The following SP100 variants were observed in gnomAD, a reference collection of about 807,000 sequenced individuals.
SP100 encodes nuclear autoantigen Sp-100.
SP100 carries 84 observed loss-of-function variants against 130.0 expected under a neutral mutation model. The ratio of observed to expected loss-of-function variants is 0.65; its 90% CI spans 0.54 to 0.77. The LOEUF is 0.77. SP100 is among the 30% of genes least tolerant of loss of function. The pLI, the probability that SP100 is intolerant of heterozygous loss-of-function variation, is 0.00. For synonymous variants in SP100, 331 were observed against 351.7 expected, an observed-to-expected ratio of 0.94 and a Z score of 0.66; for missense variants, 978 against 1,052.2, an observed-to-expected ratio of 0.93 and a Z score of 0.97.
intron 8 of SP100, among the ~76,000 whole-genome samples, chr2:230,460,114 A>G (rs1285883353): frequency 6.6e-6 from 1 of 152,220 alleles, no homozygotes; most frequent in Non-Finnish European, 1.5e-5. Flanking sequence ...GTGAAAATAT[A>G]CATACCCTAT....
intron 8 of SP100, among the ~76,000 whole-genome samples, chr2:230,459,555 T>G (rs1234413912): frequency 6.6e-6 from 1 of 152,236 alleles, no homozygotes; most frequent in Admixed American, 6.5e-5. Context: ...TTTAAAGACC[T>G]GAAGAACATC....
At chr2:230,503,284 C>G (rs920287195) in intron 20 of SP100, among the ~76,000 whole-genome samples, 174 bp downstream of exon 20, 1 of 152,150 alleles carries the variant, frequency 6.6e-6, no homozygotes, top group Non-Finnish European at 1.5e-5. Flanking sequence ...GGAATCAGAT[C>G]CCCAGTGTCC....
At chr2:230,531,645 G>A (rs1461093698) in intron 24 of SP100, among the ~76,000 whole-genome samples, 1 of 152,116 alleles carries the variant, frequency 6.6e-6, no homozygotes, top group African/African-American at 2.4e-5. Context: ...GCCAGATGTA[G>A]TGTGGAGCCA....
At chr2:230,523,197 C>T (rs1164641413) in intron 24 of SP100, among the ~76,000 whole-genome samples, 1 of 152,234 alleles carries the variant, frequency 6.6e-6, no homozygotes, top group Non-Finnish European at 1.5e-5. Flanking sequence ...CATATCCGGG[C>T]AAAGTGTAGC....
intron 2 of SP100, among the ~76,000 whole-genome samples, chr2:230,418,821 C>T (rs879359033): frequency 6.6e-6 from 1 of 152,068 alleles, no homozygotes; most frequent in Non-Finnish European, 1.5e-5. Flanking sequence ...GACAGCCCCT[C>T]CTTATGCCAG....
chr2:230,422,187 T>C (rs1004684662), intron 2 of SP100, among the ~76,000 whole-genome samples: 24 of 152,334 alleles, frequency 1.6e-4, no homozygotes, highest in Middle Eastern at 6.8e-3. Context: ...GCATCTTGTT[T>C]CAAGAAATCC....
intron 8 of SP100, among the ~76,000 whole-genome samples, chr2:230,454,862 C>G (rs1036758182): frequency 6.6e-6 from 1 of 152,094 alleles, no homozygotes; most frequent in Non-Finnish European, 1.5e-5. Flanking sequence ...GACAATCTGT[C>G]CACTGCTGAA....
At chr2:230,417,748 C>A in intron 2 of SP100, 83 bp downstream of exon 2, 1 of 1,529,500 alleles carries the variant, frequency 6.5e-7, no homozygotes. Context: ...TGTTTCTTGG[C>A]CATTTAAATT....
At chr2:230,422,244 A>G (rs2062788601) in intron 2 of SP100, among the ~76,000 whole-genome samples, 2 of 152,084 alleles carry the variant, frequency 1.3e-5, no homozygotes, top group Non-Finnish European at 1.5e-5. Flanking sequence ...TTTAAATTTT[A>G]CGTTTCTTCC....
At chr2:230,500,451 G>A (rs777373262) in intron 19 of SP100, among the ~76,000 whole-genome samples, 1 of 152,170 alleles carries the variant, frequency 6.6e-6, no homozygotes, top group Non-Finnish European at 1.5e-5. Context: ...GCCCTCAATA[G>A]GTTTTGATTG....
At chr2:230,475,916 A>G (rs770237604) in intron 17 of SP100, among the ~76,000 whole-genome samples, 1 of 152,282 alleles carries the variant, frequency 6.6e-6, no homozygotes, top group Non-Finnish European at 1.5e-5. Flanking sequence ...TTGTACCAGT[A>G]CCATGCCATT....
Position 230,442,923 on chromosome 2 carries a change from T to C in SP100, c.108-14T>C. The C allele has an allele frequency of 6.2e-7, 1 of 1,609,376 alleles. No individual in the cohort carries two copies. The highest frequency in any genetic ancestry group is 8.5e-7 in the Non-Finnish European group (1 of 1,178,098). On this transcript the variant is annotated splice_polypyrimidine_tract_variant and intron_variant, in intron 2 of 28. Coordinates refer to ENST00000340126, the MANE Select transcript of SP100 (RefSeq NM_001080391.2). ...TCTTGATGACCATTTTCACATGGTG[T>C]CCTTTTTCCCTAGGATGTTCACGGA... is the stretch of plus-strand genomic sequence containing the variant.
chr2:230,519,454 A>T (rs1457553310), intron 24 of SP100, among the ~76,000 whole-genome samples: 1 of 152,172 alleles, frequency 6.6e-6, no homozygotes, highest in Non-Finnish European at 1.5e-5. Flanking sequence ...TCTGTTCCAA[A>T]CGTAAATACG....
In SP100 at chr2:230,450,179, C is replaced by G. The variant is rs186304088; in HGVS notation, c.744C>G (p.Cys248Trp). Reference sequence around the variant, plus strand: ...GATCTCGTTTATCTCCAGAGTCCTGCGAACAAATTGCTGTCCAAGTGAATA... The same window carrying G: ...GATCTCGTTTATCTCCAGAGTCCTGGGAACAAATTGCTGTCCAAGTGAATA... ...CAQKAEPTES[C>W]EQIAVQVNNG... Residue 248 changes from cysteine (C) to tryptophan (W), a missense_variant, in exon 8 of 29, where the codon TGC becomes TGG. By Grantham distance (215) the Cys-to-Trp change is radical (BLOSUM62 -2). Coordinates refer to ENST00000340126, the MANE Select transcript of SP100 (RefSeq NM_001080391.2). 1.7e-5 allele frequency: 27 copies of G among 1,612,498 alleles called. No homozygotes were observed. The African/African-American group carries it at 2.8e-4, about 17-fold the overall frequency.
intron 24 of SP100, among the ~76,000 whole-genome samples, chr2:230,533,301 A>G (rs1234815091): frequency 6.6e-6 from 1 of 152,180 alleles, no homozygotes; most frequent in Non-Finnish European, 1.5e-5. Context: ...CATTTTTTAC[A>G]CTTTTAGTCA....
chr2:230,449,282 T>TG, intron 6 of SP100, 132 bp downstream of exon 6: 1 of 984,830 alleles, frequency 1.0e-6, no homozygotes, highest in Non-Finnish European at 1.6e-6. Context: ...TTTCCATTTC[T>TG]GGGATTTAAA....
rs530138314 is a variant in SP100, at chr2:230,503,516, A to G, written c.1765+406A>G. Among the ~76,000 whole-genome samples the G allele has an allele frequency of 4.6e-5, 7 of 152,306 alleles. No homozygotes were observed. In the East Asian group the frequency reaches 1.4e-3, roughly 29 times the overall value. On this transcript the variant is annotated intron_variant, in intron 20 of 28. Transcript: ENST00000340126. Reference sequence around the variant, plus strand: ...TTCTCTTTTAGCTATTTTGAGATGTATAATCAATTCATGTTAACTATAATC... The same window carrying G: ...TTCTCTTTTAGCTATTTTGAGATGTGTAATCAATTCATGTTAACTATAATC...
At chr2:230,432,706 T>C (rs778759090) in intron 2 of SP100, among the ~76,000 whole-genome samples, 9 of 152,180 alleles carry the variant, frequency 5.9e-5, no homozygotes, top group Non-Finnish European at 1.0e-4. Flanking sequence ...GTCTTCTTAT[T>C]GAGTTGTCAG....
Position 230,545,307 on chromosome 2 carries a change from C to A in SP100, c.*2361C>A, listed in dbSNP as rs1012950494. ...CATGGATAGAGCTGGAGGCTATTAT[C>A]CTTAGCAAACTAATTCAGGAACAGA... On this transcript the variant is annotated 3_prime_UTR_variant, in exon 29 of 29. Coordinates refer to ENST00000340126, the MANE Select transcript of SP100 (RefSeq NM_001080391.2). Among the ~76,000 whole-genome samples, 1 of 152,156 alleles carries A rather than the reference C, an allele frequency of 6.6e-6. No individual in the cohort carries two copies. The highest frequency in any genetic ancestry group is 1.9e-4 in the East Asian group (1 of 5,202).
Sources: gnomAD v4.1 joint callset for allele counts (sites outside exome capture counted in the v4.1 genomes callset) on GRCh38, gnomAD v4.1.1 for gene constraint, MANE v1.5 for transcripts, NCBI Gene and HGNC (gene_info 2026-07-23, HGNC 2026-07-21) for gene names.